The following RTF1 variants were observed in gnomAD, a reference collection of about 807,000 sequenced individuals.
RTF1 encodes RTF1 homolog, Paf1/RNA polymerase II complex component.
Under a neutral mutation model 95.7 loss-of-function variants are expected in RTF1, and 10 were observed. The observed-to-expected ratio is 0.10, with a 90% confidence interval of 0.06 to 0.18. RTF1 has a LOEUF of 0.18. Among genes scored for constraint, RTF1 ranks in the 10% least tolerant of loss-of-function variants. The probability of loss-of-function intolerance (pLI) is 1.00; values close to 1 mark genes in which losing one functional copy is unlikely to be tolerated. For missense variants in RTF1, 458 were observed against 875.6 expected (o/e 0.52, Z 6.02); for synonymous variants, 305 against 311.8 (o/e 0.98, Z 0.23).
intron 1 of RTF1, among the ~76,000 whole-genome samples, chr15:41,434,904 G>A (rs1234988983): frequency 6.6e-6 from 1 of 151,916 alleles, no homozygotes; most frequent in East Asian, 1.9e-4. Flanking sequence ...TGGGATTACA[G>A]GCGTGAGCCA....
At chr15:41,432,487 G>A (rs976349517) in intron 1 of RTF1, among the ~76,000 whole-genome samples, 14 of 151,992 alleles carry the variant, frequency 9.2e-5, no homozygotes, top group Admixed American at 2.0e-4. Context: ...GTGAGCCACT[G>A]CGCCCGGCCT....
chr15:41,440,693 G>A (rs1429859746), intron 2 of RTF1, among the ~76,000 whole-genome samples: 1 of 148,982 alleles, frequency 6.7e-6, no homozygotes, highest in East Asian at 2.0e-4. Flanking sequence ...GTTTCACCAC[G>A]TTAGCCAAGA....
intron 1 of RTF1, among the ~76,000 whole-genome samples, chr15:41,419,078 G>C (rs1049837101): frequency 6.6e-6 from 1 of 152,086 alleles, no homozygotes; most frequent in African/African-American, 2.4e-5. Context: ...ACTTTGTTTT[G>C]GGGTAGGAAT....
At chr15:41,427,128 C>G (rs2050638849) in intron 1 of RTF1, among the ~76,000 whole-genome samples, 1 of 145,514 alleles carries the variant, frequency 6.9e-6, no homozygotes, top group Non-Finnish European at 1.5e-5. Flanking sequence ...GCATGAGCCA[C>G]CATGCCTGGT....
intron 4 of RTF1, among the ~76,000 whole-genome samples, chr15:41,459,400 A>C (rs2050836184): frequency 6.6e-6 from 1 of 152,126 alleles, no homozygotes; most frequent in African/African-American, 2.4e-5. Context: ...GGAATTATAG[A>C]GATTGTTTTT....
At chr15:41,458,742 G>C (rs1385803766) in intron 4 of RTF1, among the ~76,000 whole-genome samples, 1 of 151,614 alleles carries the variant, frequency 6.6e-6, no homozygotes, top group Non-Finnish European at 1.5e-5. Context: ...GCGAGACTCT[G>C]TCTCAATAAA....
chr15:41,436,272 A>G (rs2050701653), intron 1 of RTF1, among the ~76,000 whole-genome samples: 1 of 149,424 alleles, frequency 6.7e-6, no homozygotes, highest in Non-Finnish European at 1.5e-5. Context: ...TAACACAGTG[A>G]AATCCCGTCT....
chr15:41,420,585 C>T (rs1190320993), intron 1 of RTF1, among the ~76,000 whole-genome samples: 1 of 152,054 alleles, frequency 6.6e-6, no homozygotes, highest in Non-Finnish European at 1.5e-5. Context: ...TGACAGATCA[C>T]TGAGTATCTA....
At chr15:41,456,980 AGGC>A (rs1394398339) in intron 3 of RTF1, among the ~76,000 whole-genome samples, 2 of 152,118 alleles carry the variant, frequency 1.3e-5, no homozygotes, top group Non-Finnish European at 2.9e-5. Flanking sequence ...GCTACGCAGG[AGGC>A]TGAGGCAGGA....
chr15:41,429,321 C>T (rs1436763003), intron 1 of RTF1, among the ~76,000 whole-genome samples: 1 of 152,156 alleles, frequency 6.6e-6, no homozygotes, highest in Non-Finnish European at 1.5e-5. Context: ...GATCCTTCCA[C>T]TTCTCTCTGT....
intron 2 of RTF1, among the ~76,000 whole-genome samples, chr15:41,451,113 C>A (rs1418437720): frequency 3.9e-5 from 6 of 151,968 alleles, no homozygotes; most frequent in Non-Finnish European, 8.8e-5. Flanking sequence ...AAAAAAAGAT[C>A]AAAAGAATTT....
intron 1 of RTF1, among the ~76,000 whole-genome samples, chr15:41,422,775 TTTC>T (rs1291631066): frequency 6.6e-6 from 1 of 151,430 alleles, no homozygotes; most frequent in East Asian, 1.9e-4. Flanking sequence ...CCCTAAGTAT[TTTC>T]TTTTTTCTTT....
chr15:41,426,383 G>A (rs954159282), intron 1 of RTF1, among the ~76,000 whole-genome samples: 2 of 151,444 alleles, frequency 1.3e-5, no homozygotes, highest in South Asian at 4.2e-4. Flanking sequence ...TCTGCTCACT[G>A]CAACCTCCCC....
chr15:41,460,210 C>T (rs1029638405), intron 4 of RTF1, among the ~76,000 whole-genome samples: 1 of 151,380 alleles, frequency 6.6e-6, no homozygotes, highest in African/African-American at 2.4e-5. Flanking sequence ...GCAACCTCCA[C>T]TTCCTGGGTT....
chr15:41,431,510 C>A (rs1228734559), intron 1 of RTF1, among the ~76,000 whole-genome samples: 1 of 151,738 alleles, frequency 6.6e-6, no homozygotes, highest in East Asian at 1.9e-4. Flanking sequence ...CCACCGCGCC[C>A]GACTGGGTTT....
chr15:41,421,354 G>A (rs530517186), intron 1 of RTF1, among the ~76,000 whole-genome samples: 2 of 152,186 alleles, frequency 1.3e-5, no homozygotes, highest in Admixed American at 6.6e-5. Context: ...TACTCAGAAG[G>A]CTGAGGCAGG....
intron 1 of RTF1, among the ~76,000 whole-genome samples, chr15:41,434,443 C>T (rs186579198): frequency 3.6e-4 from 55 of 152,066 alleles, no homozygotes; most frequent in Admixed American, 2.6e-3. Flanking sequence ...ACTCAAAAGG[C>T]TAAGATACTA....
Position 41,481,335 on chromosome 15 carries a change from C to A in RTF1, c.*648C>A, listed in dbSNP as rs574107935. 64 of 151,622 alleles carry A rather than the reference C, an allele frequency of 4.2e-4. No homozygotes were observed. The South Asian group carries it at 5.4e-3, about 13-fold the overall frequency. The allele number at this position is 151,622 out of a possible 1,614,324, so 9.4% of individuals were successfully genotyped here. ...TTTATCATTTTTTTAAAATGCAGTA[C>A]TCTTTGTATCAGTCTGTCATGGGTC... On this transcript the variant is annotated 3_prime_UTR_variant, in exon 18 of 18. Transcript: ENST00000389629.
At chr15:41,429,062 G>A (rs539938335) in intron 1 of RTF1, among the ~76,000 whole-genome samples, 64 of 151,992 alleles carry the variant, frequency 4.2e-4, no homozygotes, top group African/African-American at 1.4e-3. Context: ...TTAATTTTTT[G>A]TAGAGACAGG....
Sources: allele counts gnomAD v4.1 joint callset (sites outside exome capture counted in the v4.1 genomes callset), GRCh38; gene constraint gnomAD v4.1.1; transcripts MANE v1.5; gene names NCBI Gene and HGNC (gene_info 2026-07-23, HGNC 2026-07-21).